Variants in UBR3 observed in about 807,000 individuals in gnomAD.
UBR3 encodes E3 ubiquitin-protein ligase UBR3.
Under a neutral mutation model 243.2 loss-of-function variants are expected in UBR3, and 85 were observed. The ratio of observed to expected loss-of-function variants is 0.35; its 90% CI spans 0.29 to 0.42. UBR3 has a LOEUF of 0.42. Ranked by LOEUF, UBR3 falls within the 10% of genes least tolerant of loss-of-function variation. The pLI is 1.00. For missense variants in UBR3, 1,686 were observed against 2,300.8 expected (o/e 0.73, Z 5.47); for synonymous variants, 748 against 799.8 (o/e 0.94, Z 1.09).
At chr2:169,948,812 T>C (rs1227195429) in intron 22 of UBR3, among the ~76,000 whole-genome samples, 4 of 152,028 alleles carry the variant, frequency 2.6e-5, no homozygotes, top group African/African-American at 9.7e-5. Flanking sequence ...CTGACTCATA[T>C]CTTAATTAAA....
At chr2:170,048,630 TA>T (rs1219790418) in intron 32 of UBR3, among the ~76,000 whole-genome samples, 3 of 152,146 alleles carry the variant, frequency 2.0e-5, no homozygotes, top group Non-Finnish European at 4.4e-5. Flanking sequence ...TTATGAGAAA[TA>T]AAGCCCTCGT....
chr2:169,946,047 CAAGAG>C (rs71006056), intron 20 of UBR3, among the ~76,000 whole-genome samples: 35,672 of 151,942 alleles, frequency 0.23, 4,866 homozygotes, highest in Non-Finnish European at 0.33. Context: ...GCCTTGTCAT[CAAGAG>C]AAGAGTGTCA....
intron 32 of UBR3, 33 bp downstream of exon 32, chr2:170,041,018 A>G: frequency 1.3e-6 from 2 of 1,565,450 alleles, no homozygotes; most frequent in East Asian, 2.3e-5. Context: ...CTTTGATTAT[A>G]TACTATGTAT....
At chr2:169,977,883 T>C (rs1179918999) in intron 24 of UBR3, among the ~76,000 whole-genome samples, 3 of 152,210 alleles carry the variant, frequency 2.0e-5, no homozygotes, top group African/African-American at 7.2e-5. Flanking sequence ...TTCATGTTTC[T>C]TATGTCACTG....
chr2:169,887,748 T>C (rs1452551891), intron 5 of UBR3, among the ~76,000 whole-genome samples: 3 of 152,006 alleles, frequency 2.0e-5, no homozygotes, highest in Non-Finnish European at 4.4e-5. Flanking sequence ...CCTCTGACAT[T>C]CTTTATTTTT....
chr2:169,922,717 G>A (rs1001583088), intron 11 of UBR3, among the ~76,000 whole-genome samples: 13 of 151,950 alleles, frequency 8.6e-5, no homozygotes, highest in Admixed American at 7.9e-4. Context: ...TTTTGTGACT[G>A]GCTTATTTTA....
chr2:169,848,189 T>C (rs1194913591), intron 1 of UBR3, among the ~76,000 whole-genome samples: 2 of 152,230 alleles, frequency 1.3e-5, no homozygotes, highest in East Asian at 3.8e-4. Flanking sequence ...TGAAAACCAT[T>C]GGTTCATTTA....
At chr2:169,956,819 A>G (rs571042976) in intron 23 of UBR3, among the ~76,000 whole-genome samples, 10 of 152,296 alleles carry the variant, frequency 6.6e-5, no homozygotes, top group African/African-American at 2.2e-4. Context: ...TCCTTGAATC[A>G]TATCAGATTA....
At chr2:169,848,944 G>A (rs537963548) in intron 1 of UBR3, among the ~76,000 whole-genome samples, 7 of 152,204 alleles carry the variant, frequency 4.6e-5, no homozygotes, top group Non-Finnish European at 8.8e-5. Flanking sequence ...TTTAACCCAC[G>A]TAAATGGCAA....
intron 4 of UBR3, among the ~76,000 whole-genome samples, chr2:169,877,838 A>G (rs1265486602): frequency 1.3e-5 from 2 of 152,222 alleles, no homozygotes; most frequent in African/African-American, 4.8e-5. Context: ...TTTTTCTTAA[A>G]TGGAATTTGA....
chr2:169,896,812 T>TAATATTACTAATAATGATTAC, intron 8 of UBR3, 77 bp downstream of exon 8: 1 of 962,272 alleles, frequency 1.0e-6, no homozygotes, highest in Non-Finnish European at 1.5e-6. Flanking sequence ...CTTCATATAC[T>TAATATTACTAATAATGATTAC]TAGTAATATT....
At chr2:169,947,067 A>G (rs2105359635) in intron 21 of UBR3, among the ~76,000 whole-genome samples, 1 of 152,276 alleles carries the variant, frequency 6.6e-6, no homozygotes, top group South Asian at 2.1e-4. Flanking sequence ...TAGCAAAAAC[A>G]AGTTAAAGAA....
chr2:169,879,269 C>G (rs2083732922), intron 5 of UBR3, among the ~76,000 whole-genome samples: 1 of 151,676 alleles, frequency 6.6e-6, no homozygotes, highest in South Asian at 2.1e-4. Flanking sequence ...ACATATATAT[C>G]TTTTTTCTTT....
intron 10 of UBR3, among the ~76,000 whole-genome samples, chr2:169,910,771 A>C (rs1464464458): frequency 6.6e-6 from 1 of 152,132 alleles, no homozygotes; most frequent in East Asian, 1.9e-4. Flanking sequence ...GTTCTTTCAG[A>C]GGTTAAATGA....
chr2:169,977,088 T>G (rs1459234589), intron 24 of UBR3, among the ~76,000 whole-genome samples: 1 of 152,154 alleles, frequency 6.6e-6, no homozygotes, highest in Non-Finnish European at 1.5e-5. Context: ...TTTCATGATA[T>G]CTGTCTCTTT....
intron 30 of UBR3, among the ~76,000 whole-genome samples, chr2:170,027,406 G>T (rs1005719058): frequency 1.3e-5 from 2 of 151,496 alleles, no homozygotes; most frequent in African/African-American, 4.8e-5. Context: ...ATAGAATGAG[G>T]AAATGATGAA....
intron 1 of UBR3, among the ~76,000 whole-genome samples, 164 bp from the exon 2 acceptor site, chr2:169,872,072 T>C (rs1319721123): frequency 6.6e-6 from 1 of 152,186 alleles, no homozygotes; most frequent in East Asian, 1.9e-4. Flanking sequence ...TGCCATTTTT[T>C]GTATAAACAC....
intron 11 of UBR3, among the ~76,000 whole-genome samples, chr2:169,918,153 C>T (rs1203458461): frequency 6.6e-6 from 1 of 152,100 alleles, no homozygotes; most frequent in Non-Finnish European, 1.5e-5. Context: ...TTTTGGAACT[C>T]CTTGTCTGGT....
rs117749413 is a variant in UBR3 at position 170,071,318 on chromosome 2, C to T, written c.5020-2110C>T. 4.3e-3 allele frequency among the ~76,000 whole-genome samples: 656 copies of T among 152,268 alleles called. 12 individuals carry two copies. Among genetic ancestry groups the T allele is most frequent in the Admixed American group, 0.033 (506 of 15,282 alleles). On this transcript the variant is annotated intron_variant, in intron 35 of 38. Transcript: ENST00000272793. Reference sequence around the variant, plus strand: ...ATAGTCAAAATCTGGAAACAACCATCAACATGTGAATGCATGAACAAAATG... The same window carrying T: ...ATAGTCAAAATCTGGAAACAACCATTAACATGTGAATGCATGAACAAAATG...
Sources: allele counts gnomAD v4.1 joint callset (sites outside exome capture counted in the v4.1 genomes callset), GRCh38; gene constraint gnomAD v4.1.1; transcripts MANE v1.5; gene names NCBI Gene and HGNC (gene_info 2026-07-23, HGNC 2026-07-21).